The following TBC1D5 variants were observed in gnomAD, a reference collection of about 807,000 sequenced individuals.
TBC1D5 encodes TBC1 domain family, member 5.
Under a neutral mutation model 100.3 loss-of-function variants are expected in TBC1D5, and 75 were observed. That is an observed-to-expected ratio of 0.75 (90% CI 0.62 to 0.91). TBC1D5 has a LOEUF of 0.91. Among genes scored for constraint, TBC1D5 ranks in the 40% least tolerant of loss-of-function variants. The pLI, the probability that TBC1D5 is intolerant of heterozygous loss-of-function variation, is 0.00. For synonymous variants in TBC1D5, 323 were observed against 325.6 expected (o/e 0.99, Z 0.09); for missense variants, 910 against 942.4 (o/e 0.97, Z 0.45).
intron 3 of TBC1D5, among the ~76,000 whole-genome samples, chr3:17,439,797 T>C (rs965887900): frequency 2.0e-5 from 3 of 152,226 alleles, no homozygotes; most frequent in Non-Finnish European, 2.9e-5. Flanking sequence ...ATAATAGCTA[T>C]TCCTTTAAAT....
In TBC1D5 at chr3:17,658,744, C is replaced by T. The variant is rs2066350374; in HGVS notation, c.-100-34831G>A. On this transcript the variant is annotated intron_variant, in intron 1 of 21. Transcript: ENST00000253692. ...CAATCTCAGCTCACTGCAACCTCAACCTCCGCCTTCCAGATTCAAGCGATT... is the reference window on the plus strand; with the variant it reads ...CAATCTCAGCTCACTGCAACCTCAATCTCCGCCTTCCAGATTCAAGCGATT... Among the ~76,000 whole-genome samples, 4 of 152,188 alleles carry T rather than the reference C, an allele frequency of 2.6e-5. No individual in the cohort carries two copies. In the South Asian group the frequency reaches 8.3e-4, roughly 31 times the overall value.
At chr3:17,522,156 T>A (rs1303665946) in intron 2 of TBC1D5, among the ~76,000 whole-genome samples, 2 of 152,054 alleles carry the variant, frequency 1.3e-5, no homozygotes, top group African/African-American at 4.8e-5. Context: ...TATTATTAAA[T>A]AATAAACTTG....
intron 18 of TBC1D5, among the ~76,000 whole-genome samples, chr3:17,200,962 ACT>A (rs1435429783): frequency 6.6e-6 from 1 of 152,220 alleles, no homozygotes; most frequent in African/African-American, 2.4e-5. Context: ...TGAATGGGGA[ACT>A]CTGTGTAAAT....
rs753622233 is a variant in TBC1D5 at position 17,376,507 on chromosome 3, A to G, written c.701+18T>C. The G allele has an allele frequency of 6.3e-7, 1 of 1,580,890 alleles. No homozygotes were observed. Among genetic ancestry groups the G allele is most frequent in the Non-Finnish European group, 8.6e-7 (1 of 1,169,060 alleles). ...GGGCTAAAAAACAAATGGAGCTCAT[A>G]TTAAAAAAAAAACTTGCCTGGGCTG... On this transcript the variant is annotated intron_variant, in intron 10 of 21. Coordinates refer to ENST00000253692, the Ensembl canonical transcript of TBC1D5.
At chr3:17,516,838 T>A (rs1015247619) in intron 2 of TBC1D5, among the ~76,000 whole-genome samples, 5 of 152,174 alleles carry the variant, frequency 3.3e-5, no homozygotes, top group Admixed American at 2.6e-4. Flanking sequence ...TTCAGGCTAA[T>A]GCCTAACGGA....
At chr3:17,599,176 C>A (rs2060769172) in intron 2 of TBC1D5, among the ~76,000 whole-genome samples, 1 of 152,122 alleles carries the variant, frequency 6.6e-6, no homozygotes, top group African/African-American at 2.4e-5. Flanking sequence ...GATGTTCCCC[C>A]ACAAAGGCCC....
chr3:17,495,812 T>C (rs1300037756), intron 3 of TBC1D5, among the ~76,000 whole-genome samples: 2 of 152,326 alleles, frequency 1.3e-5, no homozygotes, highest in East Asian at 3.9e-4. Context: ...CACCATTACA[T>C]TCCTCTCCAT....
chr3:17,620,011 T>C (rs968711075), intron 2 of TBC1D5, among the ~76,000 whole-genome samples: 2 of 152,204 alleles, frequency 1.3e-5, no homozygotes, highest in Admixed American at 1.3e-4. Context: ...CCATGCACTC[T>C]GTTTGCAAGG....
At chr3:17,470,299 G>A (rs959509992) in intron 3 of TBC1D5, among the ~76,000 whole-genome samples, 3 of 152,102 alleles carry the variant, frequency 2.0e-5, no homozygotes, top group Non-Finnish European at 4.4e-5. Flanking sequence ...TTGGGTAATG[G>A]TAACTATTTC....
intron 4 of TBC1D5, among the ~76,000 whole-genome samples, chr3:17,423,238 C>G (rs2094257714): frequency 6.6e-6 from 1 of 151,850 alleles, no homozygotes; most frequent in African/African-American, 2.4e-5. Flanking sequence ...CCCTTTATTT[C>G]TTCAATAAAA....
chr3:17,647,694 T>C (rs1371546018), intron 1 of TBC1D5, among the ~76,000 whole-genome samples: 2 of 152,180 alleles, frequency 1.3e-5, no homozygotes, highest in East Asian at 3.8e-4. Flanking sequence ...GGGAGTCGAA[T>C]GATATACTGT....
intron 2 of TBC1D5, among the ~76,000 whole-genome samples, chr3:17,518,214 T>C (rs2096015910): frequency 6.6e-6 from 1 of 152,132 alleles, no homozygotes; most frequent in East Asian, 1.9e-4. Flanking sequence ...CCGAAATGCC[T>C]GAAACCCACA....
At chr3:17,433,912 T>C (rs531073929) in intron 3 of TBC1D5, among the ~76,000 whole-genome samples, 1 of 152,104 alleles carries the variant, frequency 6.6e-6, no homozygotes, top group African/African-American at 2.4e-5. Flanking sequence ...ACAAGCCCCA[T>C]GCAAGTCCAA....
intron 17 of TBC1D5, among the ~76,000 whole-genome samples, chr3:17,223,797 C>T (rs2148710041): frequency 6.6e-6 from 1 of 152,080 alleles, no homozygotes; most frequent in South Asian, 2.1e-4. Context: ...GTCCCAGCTA[C>T]TTGGGAAGAA....
chr3:17,605,738 T>C (rs1016945543), intron 2 of TBC1D5, among the ~76,000 whole-genome samples: 2 of 152,202 alleles, frequency 1.3e-5, no homozygotes, highest in Non-Finnish European at 1.5e-5. Context: ...TATATTAACA[T>C]GCTCAATTGT....
At chr3:17,303,665 C>T (rs2083089031) in intron 14 of TBC1D5, among the ~76,000 whole-genome samples, 1 of 152,074 alleles carries the variant, frequency 6.6e-6, no homozygotes, top group Non-Finnish European at 1.5e-5. Flanking sequence ...TCATGCTCTA[C>T]CTCACCCAAT....
Position 17,610,299 on chromosome 3 carries a change from C to T in TBC1D5, c.-36+13550G>A, listed in dbSNP as rs549547287. ...TCCCAGACTCAAGTGATCCTCTCAC[C>T]TCAGCCTCCCAAGTAGCTGGGACTA... On this transcript the variant is annotated intron_variant, in intron 2 of 21. Coordinates refer to ENST00000253692, the Ensembl canonical transcript of TBC1D5. Among the ~76,000 whole-genome samples the T allele has an allele frequency of 2.6e-5, 4 of 151,984 alleles. No individual in the cohort carries two copies. The East Asian group carries it at 8.0e-4, about 30-fold the overall frequency.
At chr3:17,308,033 T>C (rs1456083469) in exon 14 of TBC1D5, 12 of 1,608,100 alleles carry the variant, frequency 7.5e-6, no homozygotes, top group Non-Finnish European at 1.0e-5. Context: ...GAAGATATAA[T>C]CTACTAAACC....
Position 17,703,914 on chromosome 3 carries a change from G to GT in TBC1D5, c.-101+35428dup, listed in dbSNP as rs58614671. On this transcript the variant is annotated intron_variant, in intron 1 of 21. Transcript: ENST00000253692. ...ACATTGATATTTGTGTTTTTTTTTT[G>GT]TTTTTTTTTTTTTAATTTATTTTTT... Among the ~76,000 whole-genome samples, 155 of 141,876 alleles carry GT rather than the reference G, an allele frequency of 1.1e-3. 1 individual carries two copies. Among genetic ancestry groups the GT allele is most frequent in the Middle Eastern group, 7.5e-3 (2 of 266 alleles). The allele number at this position is 141,876 out of a possible 152,430, so 93.1% of individuals were successfully genotyped here. A position where few individuals can be genotyped will look rare whatever the true frequency, so the allele number is the denominator to read the frequency against.
Sources: gnomAD v4.1 joint callset for allele counts (sites outside exome capture counted in the v4.1 genomes callset) on GRCh38, gnomAD v4.1.1 for gene constraint, MANE v1.5 for transcripts, NCBI Gene and HGNC (gene_info 2026-07-23, HGNC 2026-07-21) for gene names.